The following C10orf90 variants were observed in gnomAD, a reference collection of about 807,000 sequenced individuals.
C10orf90 encodes the protein (E2-independent) E3 ubiquitin-conjugating enzyme FATS.
C10orf90 carries 56 observed loss-of-function variants against 62.5 expected under a neutral mutation model. The observed-to-expected ratio is 0.90, with a 90% CI of 0.72 to 1.12. The LOEUF is 1.12. Ranked by LOEUF, C10orf90 falls within the 50% of genes most tolerant of loss-of-function variation. The probability of loss-of-function intolerance (pLI) is 0.00; values close to 1 mark genes in which losing one functional copy is unlikely to be tolerated. For synonymous variants in C10orf90, 386 were observed against 340.4 expected, an observed-to-expected ratio of 1.13 and a Z score of -1.47; for missense variants, 970 against 880.4, an observed-to-expected ratio of 1.10 and a Z score of -1.29.
At chr10:126,494,478 A>G (rs1335306421) in intron 4 of C10orf90, among the ~76,000 whole-genome samples, 1 of 152,220 alleles carries the variant, frequency 6.6e-6, no homozygotes, top group Non-Finnish European at 1.5e-5. Flanking sequence ...AGTTGTTCAG[A>G]GGATGCACGA....
chr10:126,521,914 T>TA (rs1050260104), intron 2 of C10orf90, among the ~76,000 whole-genome samples: 4 of 152,162 alleles, frequency 2.6e-5, no homozygotes, highest in Admixed American at 2.6e-4. Flanking sequence ...AACTGACTTT[T>TA]AAAAAAAGCA....
In C10orf90 at chr10:126,504,947, T is replaced by C; in HGVS notation, c.544A>G (p.Lys182Glu). Residue 182 changes from lysine (K) to glutamate (E), a missense_variant, in exon 4 of 10, where the codon AAG becomes GAG. By Grantham distance (56) the Lys-to-Glu change is moderately conservative. Transcript: ENST00000488181. The surrounding 1 kb of genome is among the most constrained non-coding windows in gnomAD (Gnocchi z 4.1). The part of the protein sequence containing the change: ...AIAQSRAHHA[K>E]QSLANRSGVN... ...CCGCTGCGGTTAGCCAGAGATTGCT[T>C]GGCGTGATGTGCACGAGACTGAGCA... The C allele has an allele frequency of 6.2e-7, 1 of 1,614,198 alleles. No homozygotes were observed. Among genetic ancestry groups the C allele is most frequent in the Non-Finnish European group, 8.5e-7 (1 of 1,180,036 alleles).
At chr10:126,534,095 C>T (rs1367675547) in intron 2 of C10orf90, among the ~76,000 whole-genome samples, 1 of 152,240 alleles carries the variant, frequency 6.6e-6, no homozygotes, top group Non-Finnish European at 1.5e-5. Flanking sequence ...TCCTCCTGTC[C>T]TCCCTTGGAA....
intron 2 of C10orf90, among the ~76,000 whole-genome samples, chr10:126,584,542 T>C (rs534506987): frequency 8.5e-4 from 130 of 152,216 alleles, no homozygotes; most frequent in Non-Finnish European, 1.3e-3. Flanking sequence ...ACAGAGCACA[T>C]GCAAGCCTGG....
At chr10:126,451,274 A>G (rs536234094) in intron 7 of C10orf90, among the ~76,000 whole-genome samples, 1 of 152,304 alleles carries the variant, frequency 6.6e-6, no homozygotes, top group South Asian at 2.1e-4. Flanking sequence ...GGAAAACAGT[A>G]TGGATATTCC....
At chr10:126,445,967 G>A (rs1390504976) in intron 7 of C10orf90, among the ~76,000 whole-genome samples, 1 of 151,868 alleles carries the variant, frequency 6.6e-6, no homozygotes, top group Non-Finnish European at 1.5e-5. Context: ...AGGATGCAAA[G>A]CCATAAGAAT....
chr10:126,631,130 G>T (rs1031825604), intron 2 of C10orf90, among the ~76,000 whole-genome samples: 1 of 152,182 alleles, frequency 6.6e-6, no homozygotes, highest in Non-Finnish European at 1.5e-5. Context: ...ATCTGTTCCA[G>T]CATGCACAAC....
chr10:126,598,292 T>C (rs1178716420), intron 2 of C10orf90, among the ~76,000 whole-genome samples: 1 of 152,220 alleles, frequency 6.6e-6, no homozygotes, highest in Non-Finnish European at 1.5e-5. Context: ...CTAGCAGGGC[T>C]AGCCTTTGGC....
chr10:126,474,927 G>A (rs1016424032), intron 4 of C10orf90, among the ~76,000 whole-genome samples: 4 of 152,190 alleles, frequency 2.6e-5, no homozygotes, highest in East Asian at 1.9e-4. Context: ...AGGGCAAGCC[G>A]CAGAGATCTA....
chr10:126,613,547 C>T (rs1845482164), intron 2 of C10orf90, among the ~76,000 whole-genome samples: 1 of 152,172 alleles, frequency 6.6e-6, no homozygotes, highest in Admixed American at 6.5e-5. Context: ...TGCCCGGCCT[C>T]AGATGACTAT....
At chr10:126,523,728 C>T (rs1394186260) in intron 2 of C10orf90, among the ~76,000 whole-genome samples, 1 of 151,860 alleles carries the variant, frequency 6.6e-6, no homozygotes, top group Non-Finnish European at 1.5e-5. Context: ...AACACTAACT[C>T]CCCCTTCCCA....
intron 2 of C10orf90, among the ~76,000 whole-genome samples, chr10:126,587,935 A>G (rs1250500605): frequency 6.6e-6 from 1 of 152,168 alleles, no homozygotes; most frequent in Non-Finnish European, 1.5e-5. Context: ...AGATCAGTTA[A>G]TGCATTCCCT....
At chr10:126,656,334 T>A (rs148177909) in intron 1 of C10orf90, among the ~76,000 whole-genome samples, 508 of 152,256 alleles carry the variant, frequency 3.3e-3, no homozygotes, top group African/African-American at 0.011. Flanking sequence ...CCTAAGTACT[T>A]CTCATACACA....
chr10:126,507,133 G>A (rs1281742632), intron 3 of C10orf90, among the ~76,000 whole-genome samples: 3 of 152,224 alleles, frequency 2.0e-5, no homozygotes, highest in East Asian at 3.9e-4. Context: ...CAAGGCGGGT[G>A]GATCATGAGG....
intron 1 of C10orf90, among the ~76,000 whole-genome samples, chr10:126,660,020 C>T (rs1846475758): frequency 6.6e-6 from 1 of 152,248 alleles, no homozygotes; most frequent in Non-Finnish European, 1.5e-5. Context: ...AGCTCCCAGA[C>T]AGAGACTCCA....
chr10:126,467,662 A>T (rs1051187851), intron 4 of C10orf90, among the ~76,000 whole-genome samples: 2 of 152,070 alleles, frequency 1.3e-5, no homozygotes, highest in Admixed American at 1.3e-4. Context: ...AAACAGAAAC[A>T]TTCCCCATAT....
chr10:126,592,847 A>G (rs1055104650), intron 2 of C10orf90, among the ~76,000 whole-genome samples: 4 of 152,152 alleles, frequency 2.6e-5, no homozygotes, highest in Admixed American at 6.6e-5. Flanking sequence ...TTACAAAAAA[A>G]GAAAAACAAC....
intron 4 of C10orf90, among the ~76,000 whole-genome samples, chr10:126,483,599 G>T (rs1432946472): frequency 6.6e-6 from 1 of 152,180 alleles, no homozygotes; most frequent in Non-Finnish European, 1.5e-5. Flanking sequence ...TTTGTGATTT[G>T]AGATCATAAG....
chr10:126,444,732 A>T (rs541677646), intron 7 of C10orf90, among the ~76,000 whole-genome samples: 98 of 152,164 alleles, frequency 6.4e-4, no homozygotes, highest in African/African-American at 2.3e-3. Context: ...TAAGCAAAAC[A>T]AATAAATCTG....
Sources: allele counts gnomAD v4.1 joint callset (sites outside exome capture counted in the v4.1 genomes callset), GRCh38; gene constraint gnomAD v4.1.1; non-coding constraint Gnocchi (gnomAD v3.1); transcripts MANE v1.5; gene names NCBI Gene and HGNC (gene_info 2026-07-23, HGNC 2026-07-21).